The following HVCN1 variants were observed in gnomAD, a reference collection of about 807,000 sequenced individuals.
The protein encoded by HVCN1 is voltage-gated hydrogen channel 1.
A neutral mutation model predicts 29.2 loss-of-function variants in HVCN1; 14 were observed. That is an observed-to-expected ratio of 0.48 (90% CI 0.32 to 0.75). HVCN1 has a LOEUF of 0.75. Among genes scored for constraint, HVCN1 ranks in the 30% least tolerant of loss-of-function variants. The pLI is 0.04. For missense variants in HVCN1, 263 were observed against 341.8 expected, an observed-to-expected ratio of 0.77 and a Z score of 1.82; for synonymous variants, 131 against 133.2, an observed-to-expected ratio of 0.98 and a Z score of 0.11.
At chr12:110,682,860 G>A (rs1340358186) in intron 3 of HVCN1, 2 of 287,086 alleles carry the variant, frequency 7.0e-6, no homozygotes, top group Non-Finnish European at 1.3e-5. Context: ...CTACTTGGGA[G>A]GCTGAGGCAG....
In HVCN1 at chr12:110,658,272, C is replaced by T. The variant is rs989369957; in HGVS notation, c.306+2892G>A. ...CTCAAACCACCCAAGAAAGGGATCC[C>T]AGGAGCTTCCTGGATGCCGATCCTA... On this transcript the variant is annotated intron_variant, in intron 4 of 7. Transcript: ENST00000242607. This position sits in a 1 kb window ranked among gnomAD's most constrained non-coding sequence, Gnocchi z 5.0. Among the ~76,000 whole-genome samples, 6 of 152,100 alleles carry T rather than the reference C, an allele frequency of 3.9e-5. No individual in the cohort carries two copies. The highest frequency in any genetic ancestry group is 1.4e-4 in the African/African-American group (6 of 41,418).
intron 1 of HVCN1, chr12:110,704,845 G>T (rs1438937655): frequency 6.6e-6 from 1 of 152,250 alleles, no homozygotes; most frequent in Non-Finnish European, 1.5e-5. Flanking sequence ...CAATCCTAGA[G>T]CTGGCCTAGG....
intron 3 of HVCN1, among the ~76,000 whole-genome samples, chr12:110,666,149 T>A (rs2136324727): frequency 6.6e-6 from 1 of 152,272 alleles, no homozygotes; most frequent in African/African-American, 2.4e-5. Context: ...CTGGGCACAG[T>A]GGCTCATGCC....
intron 2 of HVCN1, among the ~76,000 whole-genome samples, chr12:110,697,714 G>A (rs537536317): frequency 6.7e-6 from 1 of 148,458 alleles, no homozygotes; most frequent in African/African-American, 2.5e-5. Context: ...GCGGTGGCAC[G>A]ATCTCAGCTC....
intron 5 of HVCN1, among the ~76,000 whole-genome samples, chr12:110,652,352 C>T (rs181977177): frequency 6.6e-6 from 1 of 152,318 alleles, no homozygotes; most frequent in Admixed American, 6.5e-5. Context: ...GATTGCACCA[C>T]TGCACTCCAG....
intron 4 of HVCN1, among the ~76,000 whole-genome samples, chr12:110,656,105 G>T (rs1450875615): frequency 6.6e-6 from 1 of 152,208 alleles, no homozygotes. Flanking sequence ...GGCAGTCCGA[G>T]TCCTGGAAGG....
upstream of HVCN1, among the ~76,000 whole-genome samples, chr12:110,691,699 C>G (rs1479544360): frequency 2.0e-5 from 3 of 152,204 alleles, no homozygotes; most frequent in Non-Finnish European, 4.4e-5. Context: ...TTAGTGCAGA[C>G]AGGTGGTGAC....
rs528406844 is a variant in HVCN1 at position 110,663,533 on chromosome 12, G to A, written c.22-2085C>T. On this transcript the variant is annotated intron_variant, in intron 3 of 7. Coordinates refer to ENST00000242607, the MANE Select transcript of HVCN1 (RefSeq NM_032369.4). ...GAGGAGTGCTTGAGCTTGGGAGGTC[G>A]AGGCTGCAGTAAGCCATGTTCTCCA... 7.0e-5 allele frequency among the ~76,000 whole-genome samples: 10 copies of A among 142,790 alleles called. No homozygotes were observed. The East Asian group carries it at 2.0e-3, about 29-fold the overall frequency. 93.7% of individuals were successfully genotyped at this position (142,790 alleles called of 152,430 possible).
chr12:110,656,700 G>C (rs555714465), intron 4 of HVCN1, among the ~76,000 whole-genome samples: 7 of 152,296 alleles, frequency 4.6e-5, no homozygotes, highest in African/African-American at 1.2e-4. Context: ...ACAAGTTCAG[G>C]CCTCTGCAAG....
chr12:110,676,476 T>C lies in HVCN1; in HGVS notation c.21+6749A>G, dbSNP rs2068755103. ...CCCGCCATTCCCTGATAAGAGCAGC[T>C]CATTGTGCCTAGACTGCTTGTGGAA... is the stretch of plus-strand genomic sequence containing the variant. On this transcript the variant is annotated intron_variant, in intron 3 of 7. Transcript: ENST00000242607. This position sits in a 1 kb window ranked among gnomAD's most constrained non-coding sequence, Gnocchi z 4.1. 6.6e-6 allele frequency among the ~76,000 whole-genome samples: 1 copy of C among 152,208 alleles called. No individual in the cohort carries two copies. Among genetic ancestry groups the C allele is most frequent in the Non-Finnish European group, 1.5e-5 (1 of 68,046 alleles).
chr12:110,660,552 TA>T (rs1375253976), intron 4 of HVCN1, among the ~76,000 whole-genome samples: 1 of 152,220 alleles, frequency 6.6e-6, no homozygotes, highest in Non-Finnish European at 1.5e-5. Flanking sequence ...ACCCTTTATT[TA>T]TTTTTTTTGT....
intron 3 of HVCN1, among the ~76,000 whole-genome samples, chr12:110,673,437 G>T (rs1414659850): frequency 6.6e-6 from 1 of 152,146 alleles, no homozygotes; most frequent in Non-Finnish European, 1.5e-5. Context: ...TGATGTGATA[G>T]AAAAGAAAAA....
intron 3 of HVCN1, among the ~76,000 whole-genome samples, chr12:110,678,439 CTTTTTTTTTTTTTTTTTT>C (rs538999674): frequency 3.0e-5 from 2 of 65,806 alleles, no homozygotes; most frequent in Admixed American, 1.8e-4. Context: ...CATTCTATTT[CTTTTTTTTTTTTTTTTTT>C]TTTTTTTTTT....
chr12:110,684,698 G>A (rs2069116229), intron 2 of HVCN1, among the ~76,000 whole-genome samples: 1 of 152,206 alleles, frequency 6.6e-6, no homozygotes, highest in African/African-American at 2.4e-5. Flanking sequence ...TCTGGGAGGC[G>A]TGAACTTTTA....
chr12:110,704,043 C>T (rs1226098522), intron 1 of HVCN1, among the ~76,000 whole-genome samples: 3 of 152,028 alleles, frequency 2.0e-5, no homozygotes, highest in African/African-American at 7.2e-5. Flanking sequence ...TGGGACCTCT[C>T]CAGTTTGATT....
At chr12:110,675,836 G>A (rs1288829443) in intron 3 of HVCN1, among the ~76,000 whole-genome samples, 1 of 152,144 alleles carries the variant, frequency 6.6e-6, no homozygotes, top group Admixed American at 6.5e-5. Flanking sequence ...TTGAACCTAG[G>A]AGGCAGAGGT....
intron 2 of HVCN1, among the ~76,000 whole-genome samples, chr12:110,697,736 C>T (rs955955870): frequency 2.0e-5 from 3 of 151,600 alleles, no homozygotes; most frequent in Non-Finnish European, 2.9e-5. Flanking sequence ...CTGCAACCTC[C>T]GTCTCCCAGG....
At chr12:110,667,280 G>A (rs138180094) in intron 3 of HVCN1, among the ~76,000 whole-genome samples, 112 of 152,236 alleles carry the variant, frequency 7.4e-4, no homozygotes, top group African/African-American at 2.4e-3. Context: ...GATTACAGGC[G>A]CTGCCAACAC....
chr12:110,700,888 T>C (rs2069557317), intron 2 of HVCN1, among the ~76,000 whole-genome samples: 2 of 152,226 alleles, frequency 1.3e-5, no homozygotes, highest in Non-Finnish European at 2.9e-5. Context: ...TCCAGGTGGT[T>C]TGAGAGGCTG....
Sources: allele counts gnomAD v4.1 joint callset (sites outside exome capture counted in the v4.1 genomes callset), GRCh38; gene constraint gnomAD v4.1.1; non-coding constraint Gnocchi (gnomAD v3.1); transcripts MANE v1.5; gene names NCBI Gene and HGNC (gene_info 2026-07-23, HGNC 2026-07-21).